Variants in TBC1D12 observed in about 807,000 individuals in gnomAD.
TBC1D12 encodes TBC1 domain family, member 12.
A neutral mutation model predicts 86.7 loss-of-function variants in TBC1D12; 56 were observed. That is an observed-to-expected ratio of 0.65 (90% CI 0.52 to 0.81). TBC1D12 has a LOEUF of 0.81. Among genes scored for constraint, TBC1D12 ranks in the 30% least tolerant of loss-of-function variants. TBC1D12 has a pLI of 0.00. For synonymous variants in TBC1D12, 421 were observed against 411.7 expected (o/e 1.02, Z -0.27); for missense variants, 1,023 against 1,038.8 (o/e 0.98, Z 0.21).
chr10:94,495,024 G>A (rs1564976135), intron 4 of TBC1D12, among the ~76,000 whole-genome samples: 1 of 128,116 alleles, frequency 7.8e-6, no homozygotes, highest in Non-Finnish European at 1.7e-5. Context: ...ACCACACCCA[G>A]CTCTTTTTTT....
intron 2 of TBC1D12, among the ~76,000 whole-genome samples, chr10:94,451,787 T>C (rs1304017645): frequency 6.6e-6 from 1 of 152,102 alleles, no homozygotes; most frequent in Admixed American, 6.6e-5. Flanking sequence ...TGAGACATCA[T>C]GTATGGAAGA....
chr10:94,485,094 T>TGATTGCTCTAGCTAGGA (rs1337914257), intron 3 of TBC1D12, among the ~76,000 whole-genome samples: 1 of 152,220 alleles, frequency 6.6e-6, no homozygotes, highest in Non-Finnish European at 1.5e-5. Context: ...TATTTCCTTC[T>TGATTGCTCTAGCTAGGA]CTTGTCTGAT....
At chr10:94,495,014 A>C (rs1269983839) in intron 4 of TBC1D12, among the ~76,000 whole-genome samples, 1 of 144,724 alleles carries the variant, frequency 6.9e-6, no homozygotes, top group Non-Finnish European at 1.5e-5. Flanking sequence ...GGTGCATGCC[A>C]CCACACCCAG....
chr10:94,503,506 A>T (rs1279326738), intron 6 of TBC1D12, among the ~76,000 whole-genome samples: 5 of 152,182 alleles, frequency 3.3e-5, no homozygotes. Context: ...CAAAAATTAA[A>T]TGTTTACCCT....
chr10:94,514,347 T>C (rs372623867), intron 9 of TBC1D12, among the ~76,000 whole-genome samples: 6 of 152,142 alleles, frequency 3.9e-5, no homozygotes, highest in East Asian at 1.9e-4. Context: ...GGCGATAGAG[T>C]GAGACCCTGT....
At chr10:94,515,174 T>TG (rs1564987185) in intron 9 of TBC1D12, among the ~76,000 whole-genome samples, 1 of 151,804 alleles carries the variant, frequency 6.6e-6, no homozygotes, top group Non-Finnish European at 1.5e-5. Context: ...CCCAAAGTGC[T>TG]GGGATTACAG....
chr10:94,523,846 G>A (rs890920350), intron 11 of TBC1D12, among the ~76,000 whole-genome samples: 2 of 152,116 alleles, frequency 1.3e-5, no homozygotes, highest in African/African-American at 2.4e-5. Flanking sequence ...GTGCATTCCT[G>A]TAGTCCCAGC....
intron 3 of TBC1D12, among the ~76,000 whole-genome samples, chr10:94,486,706 G>GTTTTTTTT (rs1291157503): frequency 1.3e-4 from 20 of 152,000 alleles, no homozygotes; most frequent in Non-Finnish European, 2.6e-4. Context: ...TTAAGACTTG[G>GTTTTTTTT]TTTGTTTTTA....
At chr10:94,446,397 G>A (rs1425846059) in intron 2 of TBC1D12, among the ~76,000 whole-genome samples, 1 of 152,152 alleles carries the variant, frequency 6.6e-6, no homozygotes, top group African/African-American at 2.4e-5. Context: ...GGTAATTTAG[G>A]TGTGAAAAAC....
At chr10:94,512,657 A>G (rs2056540569) in intron 9 of TBC1D12, among the ~76,000 whole-genome samples, 1 of 152,238 alleles carries the variant, frequency 6.6e-6, no homozygotes, top group South Asian at 2.1e-4. Context: ...ATGTTATATT[A>G]AAAGATAAGT....
chr10:94,445,680 G>A (rs2055451911), intron 2 of TBC1D12, among the ~76,000 whole-genome samples: 1 of 152,060 alleles, frequency 6.6e-6, no homozygotes, highest in Admixed American at 6.5e-5. Context: ...GGGTGCGGTG[G>A]CTCACACCTT....
intron 1 of TBC1D12, among the ~76,000 whole-genome samples, chr10:94,426,081 C>T (rs962464262): frequency 2.0e-5 from 3 of 152,102 alleles, no homozygotes; most frequent in African/African-American, 7.2e-5. Context: ...TGACTGTAGA[C>T]AGTCATGCTG....
chr10:94,530,898 TCA>T (rs1253748794), intron 11 of TBC1D12, among the ~76,000 whole-genome samples: 1 of 134,500 alleles, frequency 7.4e-6, no homozygotes, highest in Non-Finnish European at 1.6e-5. Flanking sequence ...TCTCACTCTA[TCA>T]CCAGGCTGGA....
chr10:94,468,171 A>T (rs1334456954), intron 2 of TBC1D12, among the ~76,000 whole-genome samples: 2 of 152,134 alleles, frequency 1.3e-5, no homozygotes, highest in Admixed American at 1.3e-4. Context: ...TGTGCTGTAA[A>T]CTGCTTATTT....
chr10:94,519,083 A>C (rs966297649), intron 9 of TBC1D12, among the ~76,000 whole-genome samples: 1 of 152,256 alleles, frequency 6.6e-6, no homozygotes, highest in Non-Finnish European at 1.5e-5. Context: ...CTCCAAAAAA[A>C]TTAATTAAGT....
At chr10:94,512,806 C>T (rs1490395426) in intron 9 of TBC1D12, among the ~76,000 whole-genome samples, 1 of 152,212 alleles carries the variant, frequency 6.6e-6, no homozygotes, top group Non-Finnish European at 1.5e-5. Flanking sequence ...CTCTCTTACT[C>T]AGGTATTCTG....
chr10:94,496,469 A>G (rs1280485423), intron 4 of TBC1D12, among the ~76,000 whole-genome samples: 2 of 152,222 alleles, frequency 1.3e-5, no homozygotes, highest in East Asian at 1.9e-4. Context: ...GCTACTGACA[A>G]AATCATTTTG....
At chr10:94,455,098 A>T (rs2055608343) in intron 2 of TBC1D12, among the ~76,000 whole-genome samples, 1 of 152,028 alleles carries the variant, frequency 6.6e-6, no homozygotes, top group Admixed American at 6.6e-5. Flanking sequence ...ATGGTGTTGG[A>T]TGTTGTCAAA....
chr10:94,438,332 CTG>C (rs1290915309), intron 1 of TBC1D12, among the ~76,000 whole-genome samples: 1 of 151,968 alleles, frequency 6.6e-6, no homozygotes. Context: ...TCTGTTGTCT[CTG>C]TGGCTAGCTG....
Sources: allele counts gnomAD v4.1 joint callset (sites outside exome capture counted in the v4.1 genomes callset), GRCh38; gene constraint gnomAD v4.1.1; transcripts MANE v1.5; gene names NCBI Gene and HGNC (gene_info 2026-07-23, HGNC 2026-07-21).